Variants in ARID4B observed in about 807,000 individuals in gnomAD.
The protein encoded by ARID4B is AT-rich interactive domain-containing protein 4B.
A neutral mutation model predicts 147.5 loss-of-function variants in ARID4B; 26 were observed. The observed-to-expected ratio is 0.18, with a 90% CI of 0.13 to 0.24. The LOEUF (loss-of-function observed/expected upper bound fraction) is 0.24, where lower values mean the gene tolerates loss of function less well. Ranked by LOEUF, ARID4B falls within the 10% of genes least tolerant of loss-of-function variation. The pLI is 1.00. For missense variants in ARID4B, 1,179 were observed against 1,511.5 expected, an observed-to-expected ratio of 0.78 and a Z score of 3.65; for synonymous variants, 512 against 507.9, an observed-to-expected ratio of 1.01 and a Z score of -0.11.
At chr1:235,180,137 C>CTTTTTTTTTTTTTTTTTTTTTT (rs1166842959) in intron 20 of ARID4B, 3 of 98,538 alleles carry the variant, frequency 3.0e-5, no homozygotes, top group African/African-American at 4.1e-5. Flanking sequence ...CTTGTTTTTT[C>CTTTTTTTTTTTTTTTTTTTTTT]TTTTTTTTTT....
At chr1:235,280,146 T>C (rs2103174692) in intron 2 of ARID4B, among the ~76,000 whole-genome samples, 2 of 152,336 alleles carry the variant, frequency 1.3e-5, no homozygotes, top group South Asian at 4.1e-4. Context: ...TTGACAGTCA[T>C]ATAATGATAA....
At chr1:235,207,188 C>T (rs956589954) in intron 17 of ARID4B, among the ~76,000 whole-genome samples, 1 of 152,034 alleles carries the variant, frequency 6.6e-6, no homozygotes, top group African/African-American at 2.4e-5. Flanking sequence ...AGCAAGGTCA[C>T]CAGCTGAAAA....
chr1:235,231,063 A>C lies in ARID4B; in HGVS notation c.742+50T>G, dbSNP rs572730336. On this transcript the variant is annotated intron_variant, in intron 10 of 23. Transcript: ENST00000264183. ...AAAGAAAAATTTAATCTTCAAAAAC[A>C]CTTTAGCAGTTTTTACAGTACTTGT... The C allele has an allele frequency of 1.2e-5, 15 of 1,264,148 alleles. No homozygotes were observed. In the South Asian group the frequency reaches 1.6e-4, roughly 14 times the overall value. 78.3% of individuals were successfully genotyped at this position (1,264,148 alleles called of 1,614,324 possible). A position where few individuals can be genotyped will look rare whatever the true frequency, so the allele number is the denominator to read the frequency against.
chr1:235,232,662 A>G (rs1372719521), intron 9 of ARID4B, among the ~76,000 whole-genome samples: 2 of 152,030 alleles, frequency 1.3e-5, no homozygotes, highest in African/African-American at 2.4e-5. Context: ...CACACTGTAC[A>G]TCAGATCCTG....
intron 8 of ARID4B, among the ~76,000 whole-genome samples, chr1:235,235,344 G>A (rs1668485562): frequency 6.6e-6 from 1 of 152,118 alleles, no homozygotes; most frequent in African/African-American, 2.4e-5. Context: ...GTAGAGGTCT[G>A]GACTCAAGGA....
In ARID4B at chr1:235,175,230, T is replaced by G. The variant is rs752094055; in HGVS notation, c.3618A>C (p.Glu1206Asp). The change falls in exon 22 of 24, where the codon GAA becomes GAC. Residue 1206 changes from glutamate to aspartate, a missense_variant. This residue lies in a region of ARID4B where 357 missense variants were observed against 427.3 expected (regional missense o/e 0.84). Transcript: ENST00000264183. ...AAACTTTGGGTAATCGATTACTGGG[T>G]TCCTTGAGATCAGGATCCTTATCAC... ...KNGDKDPDLK[E>D]PSNRLPKVYK... 6.2e-7 allele frequency: 1 copy of G among 1,614,202 alleles called. No individual in the cohort carries two copies.
At chr1:235,303,579 A>C (rs186842056) in intron 2 of ARID4B, among the ~76,000 whole-genome samples, 1 of 152,280 alleles carries the variant, frequency 6.6e-6, no homozygotes, top group Admixed American at 6.5e-5. Flanking sequence ...AGAAACAGCC[A>C]GGCATGGTGG....
chr1:235,268,833 T>A (rs535231102), intron 2 of ARID4B, among the ~76,000 whole-genome samples: 1 of 152,256 alleles, frequency 6.6e-6, no homozygotes, highest in East Asian at 1.9e-4. Context: ...AGAAAAATGG[T>A]TGATTTCAAG....
chr1:235,229,137 TTA>T (rs1668039474), intron 11 of ARID4B, 92 bp downstream of exon 11: 2 of 1,363,950 alleles, frequency 1.5e-6, no homozygotes, highest in Non-Finnish European at 2.0e-6. Flanking sequence ...CTAAAAATAC[TTA>T]TATGAGTAAT....
intron 2 of ARID4B, among the ~76,000 whole-genome samples, chr1:235,309,180 G>T (rs1358297483): frequency 7.0e-6 from 1 of 143,406 alleles, no homozygotes. Flanking sequence ...CCGTCTGGGA[G>T]GTGAGGAGCG....
chr1:235,203,645 G>C (rs1666098865), intron 17 of ARID4B, among the ~76,000 whole-genome samples: 1 of 151,780 alleles, frequency 6.6e-6, no homozygotes, highest in Non-Finnish European at 1.5e-5. Flanking sequence ...TTTATATCTT[G>C]CCTCTCTATA....
At chr1:235,176,604 C>T in intron 21 of ARID4B, 1 of 234,422 alleles carries the variant, frequency 4.3e-6, no homozygotes, top group South Asian at 5.8e-5. Flanking sequence ...CTCCCAGCTC[C>T]CCCACTGCTG....
intron 2 of ARID4B, among the ~76,000 whole-genome samples, chr1:235,308,211 T>C (rs2103266762): frequency 6.6e-6 from 1 of 150,942 alleles, no homozygotes; most frequent in Admixed American, 6.6e-5. Context: ...GCACTTCTCC[T>C]GTCTCAGCGC....
rs1664823215 is a variant in ARID4B, at chr1:235,188,143, A to G, written c.2126-5350T>C. 2.6e-5 allele frequency among the ~76,000 whole-genome samples: 4 copies of G among 152,118 alleles called. No individual in the cohort carries two copies. In the South Asian group the frequency reaches 8.3e-4, roughly 32 times the overall value. ...GGGTCATTGTATATGTGTTATATGT[A>G]TGTGTGTGTGTATATATACTCATAT... is the stretch of plus-strand genomic sequence containing the variant. On this transcript the variant is annotated intron_variant, in intron 19 of 23. Coordinates refer to ENST00000264183, the MANE Select transcript of ARID4B (RefSeq NM_016374.6).
intron 16 of ARID4B, 123 bp from the exon 17 acceptor site, chr1:235,214,149 T>C (rs978874781): frequency 3.4e-6 from 4 of 1,193,684 alleles, no homozygotes; most frequent in East Asian, 4.8e-5. Context: ...GTTCCACGTG[T>C]ATGAAATTCT....
intron 17 of ARID4B, among the ~76,000 whole-genome samples, chr1:235,212,528 C>T (rs1200007063): frequency 2.6e-5 from 4 of 152,170 alleles, no homozygotes; most frequent in African/African-American, 9.7e-5. Context: ...CGGACTGGTA[C>T]TTTTCTCAAA....
intron 17 of ARID4B, among the ~76,000 whole-genome samples, chr1:235,208,820 C>G (rs1390230630): frequency 1.3e-5 from 2 of 152,012 alleles, no homozygotes; most frequent in East Asian, 3.9e-4. Flanking sequence ...CCCGGCCGGC[C>G]AGCAATAATT....
intron 13 of ARID4B, among the ~76,000 whole-genome samples, chr1:235,221,886 A>ATTTTTTTTTTTTTTTTTTTTTTT (rs768600040): frequency 5.6e-5 from 3 of 53,660 alleles, no homozygotes; most frequent in African/African-American, 8.7e-5. Flanking sequence ...TCATTTGACT[A>ATTTTTTTTTTTTTTTTTTTTTTT]TTTTTTTTTT....
intron 6 of ARID4B, among the ~76,000 whole-genome samples, chr1:235,250,896 G>A (rs1669599950): frequency 6.6e-6 from 1 of 152,076 alleles, no homozygotes; most frequent in East Asian, 1.9e-4. Flanking sequence ...ATAATATTTT[G>A]GCTATTTCTC....
Sources: gnomAD v4.1 joint callset for allele counts (sites outside exome capture counted in the v4.1 genomes callset) on GRCh38, gnomAD v4.1.1 for gene constraint, gnomAD v4.1.1 regional missense constraint, MANE v1.5 for transcripts, NCBI Gene and HGNC (gene_info 2026-07-23, HGNC 2026-07-21) for gene names.